Variants in PPP2R2B observed in about 807,000 individuals in gnomAD.
PPP2R2B encodes the protein protein phosphatase 2 regulatory subunit Bbeta, also known as serine/threonine-protein phosphatase 2A 55 kDa regulatory subunit B beta isoform.
In PPP2R2B, 5 loss-of-function variants were observed where a neutral mutation model predicts 46.0. That is an observed-to-expected ratio of 0.11 (90% CI 0.06 to 0.23). PPP2R2B has a LOEUF of 0.23. Among genes scored for constraint, PPP2R2B ranks in the 10% least tolerant of loss-of-function variants. The pLI is 1.00. For synonymous variants in PPP2R2B, 215 were observed against 206.7 expected (o/e 1.04, Z -0.34); for missense variants, 367 against 575.0 (o/e 0.64, Z 3.70).
At chr5:146,713,719 G>A (rs918271856) in intron 2 of PPP2R2B, among the ~76,000 whole-genome samples, 2 of 152,078 alleles carry the variant, frequency 1.3e-5, no homozygotes, top group African/African-American at 2.4e-5. Flanking sequence ...TTGATTATAG[G>A]GTTTGAAAAA....
At chr5:146,729,840 T>G (rs1320067184) in intron 2 of PPP2R2B, among the ~76,000 whole-genome samples, 1 of 152,226 alleles carries the variant, frequency 6.6e-6, no homozygotes, top group South Asian at 2.1e-4. Context: ...AAAAGTTTGC[T>G]GCAGGGGCAG....
At chr5:146,728,608 A>G (rs955287346) in intron 2 of PPP2R2B, among the ~76,000 whole-genome samples, 1 of 152,118 alleles carries the variant, frequency 6.6e-6, no homozygotes, top group African/African-American at 2.4e-5. Flanking sequence ...CTGAAATCTC[A>G]ACTTGAATTG....
chr5:146,756,654 T>C (rs950029686), intron 2 of PPP2R2B, among the ~76,000 whole-genome samples: 2 of 152,230 alleles, frequency 1.3e-5, no homozygotes, highest in Admixed American at 6.5e-5. Flanking sequence ...CTTTAACTTA[T>C]CAGTTTTCTT....
intron 1 of PPP2R2B, among the ~76,000 whole-genome samples, chr5:146,978,437 C>G (rs1753017269): frequency 6.6e-6 from 1 of 152,146 alleles, no homozygotes; most frequent in South Asian, 2.1e-4. Context: ...GTCATGAAGT[C>G]TCTGCCCATG....
intron 5 of PPP2R2B, among the ~76,000 whole-genome samples, chr5:146,661,511 T>C (rs933271965): frequency 1.3e-5 from 2 of 152,034 alleles, no homozygotes; most frequent in African/African-American, 4.8e-5. Context: ...ATATAAAATA[T>C]ATATTTGAAA....
chr5:146,792,169 G>A (rs1371407838), intron 2 of PPP2R2B, among the ~76,000 whole-genome samples: 1 of 152,182 alleles, frequency 6.6e-6, no homozygotes, highest in African/African-American at 2.4e-5. Flanking sequence ...TCTAGATCAA[G>A]CCTTACTCAA....
intron 5 of PPP2R2B, among the ~76,000 whole-genome samples, chr5:146,689,195 G>T (rs1456409106): frequency 6.6e-6 from 1 of 152,102 alleles, no homozygotes; most frequent in African/African-American, 2.4e-5. Context: ...CACTACACAG[G>T]CTAAGCTGTT....
At chr5:146,744,323 C>T (rs749221497) in intron 2 of PPP2R2B, among the ~76,000 whole-genome samples, 25 of 152,124 alleles carry the variant, frequency 1.6e-4, no homozygotes, top group Admixed American at 3.9e-4. Flanking sequence ...GATATGTCTC[C>T]GCAGCCAAAG....
At chr5:146,990,467 T>C (rs1478038559) in intron 1 of PPP2R2B, among the ~76,000 whole-genome samples, 1 of 152,044 alleles carries the variant, frequency 6.6e-6, no homozygotes, top group Admixed American at 6.6e-5. Flanking sequence ...GAATGCACAC[T>C]GAGAAAAAAC....
intron 1 of PPP2R2B, among the ~76,000 whole-genome samples, chr5:146,997,197 A>G (rs1753959582): frequency 1.3e-5 from 2 of 152,146 alleles, no homozygotes; most frequent in Admixed American, 1.3e-4. Context: ...AAACCCAGCA[A>G]CAATTGTGGG....
intron 1 of PPP2R2B, among the ~76,000 whole-genome samples, chr5:147,039,293 A>C (rs534174158): frequency 1.9e-4 from 29 of 152,170 alleles, no homozygotes; most frequent in African/African-American, 7.0e-4. Flanking sequence ...GATGTTCCCC[A>C]TGGCTATTTT....
At chr5:146,759,083 A>G (rs1305123912) in intron 2 of PPP2R2B, among the ~76,000 whole-genome samples, 3 of 152,216 alleles carry the variant, frequency 2.0e-5, no homozygotes, top group Admixed American at 2.0e-4. Context: ...AGTTAAGTTT[A>G]GAAGCTTCAA....
chr5:146,695,670 T>C (rs1779135730), intron 4 of PPP2R2B, among the ~76,000 whole-genome samples: 1 of 152,222 alleles, frequency 6.6e-6, no homozygotes, highest in Non-Finnish European at 1.5e-5. Flanking sequence ...TAAAAAAGTC[T>C]AAGGAACATG....
At chr5:146,751,232 T>C (rs562569388) in intron 2 of PPP2R2B, 1 of 152,242 alleles carries the variant, frequency 6.6e-6, no homozygotes, top group Non-Finnish European at 1.5e-5. Flanking sequence ...AGAGCAAACA[T>C]TGATAGGATT....
chr5:146,778,598 A>T (rs1755325766), intron 2 of PPP2R2B, among the ~76,000 whole-genome samples: 1 of 152,180 alleles, frequency 6.6e-6, no homozygotes, highest in African/African-American at 2.4e-5. Context: ...TCTTTCAGGC[A>T]TTCAGTCAAA....
At chr5:147,014,633 A>G (rs1420111598) in intron 1 of PPP2R2B, among the ~76,000 whole-genome samples, 1 of 151,958 alleles carries the variant, frequency 6.6e-6, no homozygotes, top group East Asian at 1.9e-4. Context: ...AACTATCGCA[A>G]GAACAAAAAA....
chr5:146,837,755 C>T (rs567003279), intron 2 of PPP2R2B, among the ~76,000 whole-genome samples: 7 of 152,298 alleles, frequency 4.6e-5, no homozygotes, highest in East Asian at 1.9e-4. Flanking sequence ...CAGCATATCT[C>T]AAATGAAATA....
intron 5 of PPP2R2B, among the ~76,000 whole-genome samples, chr5:146,689,898 A>G (rs147680469): frequency 6.6e-6 from 1 of 152,328 alleles, no homozygotes; most frequent in East Asian, 1.9e-4. Context: ...ACTGAAGACC[A>G]TGTGCCCATT....
chr5:146,675,550 T>A (rs1391457375), intron 5 of PPP2R2B, among the ~76,000 whole-genome samples: 1 of 152,180 alleles, frequency 6.6e-6, no homozygotes, highest in Non-Finnish European at 1.5e-5. Flanking sequence ...AAATCTAGGA[T>A]GAAACATATA....
Sources: allele counts gnomAD v4.1 joint callset (sites outside exome capture counted in the v4.1 genomes callset), GRCh38; gene constraint gnomAD v4.1.1; transcripts MANE v1.5; gene names NCBI Gene and HGNC (gene_info 2026-07-23, HGNC 2026-07-21).